Variants in PITPNC1 observed in about 807,000 individuals in gnomAD.
PITPNC1 encodes the protein phosphatidylinositol transfer protein cytoplasmic 1, also known as cytoplasmic phosphatidylinositol transfer protein 1.
A neutral mutation model predicts 44.7 loss-of-function variants in PITPNC1; 18 were observed. The ratio of observed to expected loss-of-function variants is 0.40; its 90% CI spans 0.28 to 0.60. The LOEUF (loss-of-function observed/expected upper bound fraction) is 0.60. PITPNC1 is among the 20% of genes least tolerant of loss of function. PITPNC1 has a pLI of 0.39. For missense variants in PITPNC1, 290 were observed against 418.4 expected, an observed-to-expected ratio of 0.69 and a Z score of 2.68; for synonymous variants, 141 against 149.6, an observed-to-expected ratio of 0.94 and a Z score of 0.42.
At chr17:67,494,903 G>T (rs950259574) in intron 1 of PITPNC1, among the ~76,000 whole-genome samples, 4 of 151,852 alleles carry the variant, frequency 2.6e-5, no homozygotes, top group African/African-American at 7.3e-5. Context: ...AGCCCAGGGG[G>T]TCAAGGCTGC....
At chr17:67,533,817 C>A (rs1322216856) in intron 2 of PITPNC1, among the ~76,000 whole-genome samples, 2 of 152,208 alleles carry the variant, frequency 1.3e-5, no homozygotes, top group Non-Finnish European at 2.9e-5. Context: ...CAAAATAGCA[C>A]TAGTCAAGCG....
At chr17:67,402,978 T>G (rs997981583) in intron 1 of PITPNC1, among the ~76,000 whole-genome samples, 2 of 152,210 alleles carry the variant, frequency 1.3e-5, no homozygotes, top group Admixed American at 1.3e-4. Flanking sequence ...GACCACGTTT[T>G]TGATTCTTGC....
intron 8 of PITPNC1, among the ~76,000 whole-genome samples, chr17:67,690,833 G>A (rs186221150): frequency 4.6e-5 from 7 of 152,104 alleles, no homozygotes; most frequent in Non-Finnish European, 8.8e-5. Flanking sequence ...GGCTGGGCAC[G>A]GTGGCTCAGG....
intron 2 of PITPNC1, among the ~76,000 whole-genome samples, chr17:67,541,144 G>T (rs974110360): frequency 1.3e-5 from 2 of 152,178 alleles, no homozygotes; most frequent in Non-Finnish European, 1.5e-5. Context: ...GAGCCTGGGA[G>T]GCAGATGTTG....
intron 8 of PITPNC1, among the ~76,000 whole-genome samples, chr17:67,690,660 A>G (rs1391322575): frequency 6.6e-6 from 1 of 152,110 alleles, no homozygotes; most frequent in African/African-American, 2.4e-5. Flanking sequence ...GATACAGAAA[A>G]TCCGCGGGCA....
At chr17:67,686,634 CTGT>C (rs1479036678) in intron 8 of PITPNC1, among the ~76,000 whole-genome samples, 1 of 152,142 alleles carries the variant, frequency 6.6e-6, no homozygotes, top group African/African-American at 2.4e-5. Flanking sequence ...AGTGTCCTTT[CTGT>C]TGTTGAATGC....
chr17:67,555,079 A>G (rs2040818103), intron 4 of PITPNC1, among the ~76,000 whole-genome samples: 1 of 140,900 alleles, frequency 7.1e-6, no homozygotes, highest in Non-Finnish European at 1.5e-5. Flanking sequence ...CCTAACTTTG[A>G]AAAAAGAGGC....
chr17:67,689,072 C>T (rs1481428067), intron 8 of PITPNC1, among the ~76,000 whole-genome samples: 2 of 152,176 alleles, frequency 1.3e-5, no homozygotes, highest in Admixed American at 1.3e-4. Flanking sequence ...CGTGGTGGCG[C>T]ATGCCTGTAA....
chr17:67,642,557 C>T (rs2042103327), intron 6 of PITPNC1, among the ~76,000 whole-genome samples: 2 of 152,174 alleles, frequency 1.3e-5, no homozygotes, highest in African/African-American at 4.8e-5. Flanking sequence ...GTCCAGTTCT[C>T]AACAACCCTG....
intron 1 of PITPNC1, among the ~76,000 whole-genome samples, chr17:67,444,492 G>A (rs1041496478): frequency 5.9e-5 from 9 of 152,176 alleles, no homozygotes; most frequent in Admixed American, 2.0e-4. Context: ...TGGGCAATGG[G>A]ACAGACTGGA....
intron 5 of PITPNC1, chr17:67,613,405 G>A (rs772849456): frequency 3.3e-5 from 5 of 152,072 alleles, no homozygotes; most frequent in African/African-American, 4.8e-5. Flanking sequence ...GGTCATCAGC[G>A]ATCAAAGGTT....
At chr17:67,497,229 T>C (rs2039964159) in intron 1 of PITPNC1, among the ~76,000 whole-genome samples, 1 of 151,908 alleles carries the variant, frequency 6.6e-6, no homozygotes, top group East Asian at 1.9e-4. Context: ...CCTCCTTTTT[T>C]TTTTTTTTGA....
At chr17:67,468,721 G>A (rs1375373474) in intron 1 of PITPNC1, among the ~76,000 whole-genome samples, 1 of 149,942 alleles carries the variant, frequency 6.7e-6, no homozygotes, top group Non-Finnish European at 1.5e-5. Context: ...TTTTGAGACG[G>A]AGTCTTGTTC....
intron 8 of PITPNC1, among the ~76,000 whole-genome samples, chr17:67,682,864 TTTAA>T (rs1404209997): frequency 6.6e-6 from 1 of 152,190 alleles, no homozygotes; most frequent in Non-Finnish European, 1.5e-5. Context: ...ATGGGCTTCC[TTTAA>T]TTAAGAGTTT....
Position 67,631,111 on chromosome 17 carries a change from G to A in PITPNC1, c.367-1032G>A, listed in dbSNP as rs2041961800. The stretch of plus-strand genomic sequence containing the variant: ...ATTATTATTATTTTGCAAGTGATGT[G>A]CATTCTGGGCCAGTGAAACCTAGAG... On this transcript the variant is annotated intron_variant, in intron 5 of 8. Transcript: ENST00000581322. Among the ~76,000 whole-genome samples the A allele has an allele frequency of 3.4e-5, 5 of 146,670 alleles. No individual in the cohort carries two copies. The Admixed American group carries it at 3.4e-4, about 10-fold the overall frequency.
intron 6 of PITPNC1, among the ~76,000 whole-genome samples, chr17:67,668,326 A>G (rs1429609202): frequency 6.6e-6 from 1 of 152,126 alleles, no homozygotes; most frequent in East Asian, 1.9e-4. Context: ...GTTCTTTTTC[A>G]TTGCTGTGTA....
intron 8 of PITPNC1, among the ~76,000 whole-genome samples, chr17:67,690,591 C>T (rs1487668472): frequency 1.3e-5 from 2 of 152,088 alleles, no homozygotes; most frequent in Non-Finnish European, 2.9e-5. Context: ...GTTTCAACTG[C>T]TAAGTACATG....
intron 1 of PITPNC1, among the ~76,000 whole-genome samples, chr17:67,517,637 A>G (rs760866815): frequency 6.6e-6 from 1 of 152,238 alleles, no homozygotes; most frequent in Non-Finnish European, 1.5e-5. Flanking sequence ...AACATGTTAA[A>G]TGAAAGGAGT....
intron 1 of PITPNC1, among the ~76,000 whole-genome samples, chr17:67,444,595 G>A (rs9890311): frequency 0.18 from 26,859 of 151,958 alleles, 2,759 homozygotes; most frequent in Middle Eastern, 0.21. Flanking sequence ...ACAAAAAGCA[G>A]ATTAATAGAA....
Sources: gnomAD v4.1 joint callset for allele counts (sites outside exome capture counted in the v4.1 genomes callset) on GRCh38, gnomAD v4.1.1 for gene constraint, MANE v1.5 for transcripts, NCBI Gene and HGNC (gene_info 2026-07-23, HGNC 2026-07-21) for gene names.